The following KSR1 variants were observed in gnomAD, a reference collection of about 807,000 sequenced individuals.
KSR1 encodes kinase suppressor of ras.
In KSR1, 35 loss-of-function variants were observed where a neutral mutation model predicts 92.9. The observed-to-expected ratio is 0.38, with a 90% CI of 0.29 to 0.50. The LOEUF is 0.50. Among genes scored for constraint, KSR1 ranks in the 20% least tolerant of loss-of-function variants. The pLI, the probability that KSR1 is intolerant of heterozygous loss-of-function variation, is 0.94. For missense variants in KSR1, 972 were observed against 1,158.5 expected (o/e 0.84, Z 2.34); for synonymous variants, 467 against 472.6 (o/e 0.99, Z 0.15).
At chr17:27,457,883 T>A (rs1249282925) in intron 1 of KSR1, among the ~76,000 whole-genome samples, 2 of 151,402 alleles carry the variant, frequency 1.3e-5, no homozygotes, top group Admixed American at 1.3e-4. Context: ...TTTTATTAGA[T>A]CCTCAATTTC....
At chr17:27,471,812 T>A (rs2020023601) in intron 1 of KSR1, among the ~76,000 whole-genome samples, 1 of 152,156 alleles carries the variant, frequency 6.6e-6, no homozygotes, top group Non-Finnish European at 1.5e-5. Flanking sequence ...AGTAAACTCA[T>A]AGAAGGTGCT....
chr17:27,597,534 CAGCTAAG>C, intron 10 of KSR1, 98 bp downstream of exon 10: 1 of 1,237,560 alleles, frequency 8.1e-7, no homozygotes, highest in South Asian at 1.5e-5. Context: ...GACATGGCCA[CAGCTAAG>C]AGCTGATGTT....
intron 1 of KSR1, among the ~76,000 whole-genome samples, chr17:27,525,504 T>C (rs969772322): frequency 5.9e-5 from 9 of 152,220 alleles, no homozygotes; most frequent in Admixed American, 3.9e-4. Flanking sequence ...CTAAGAACCA[T>C]GGTAAGGATT....
chr17:27,602,297 C>T (rs899818078), intron 11 of KSR1, among the ~76,000 whole-genome samples: 3 of 152,148 alleles, frequency 2.0e-5, no homozygotes, highest in South Asian at 2.1e-4. Flanking sequence ...CCTGAGAACC[C>T]GCCTCCCGGA....
chr17:27,607,492 AAATG>A (rs139818505), intron 14 of KSR1, among the ~76,000 whole-genome samples: 4,700 of 152,208 alleles, frequency 0.031, 114 homozygotes, highest in Non-Finnish European at 0.049. Context: ...GATCAAGAAA[AAATG>A]AAAACTATAA....
At chr17:27,494,269 G>A (rs2068912810) in intron 1 of KSR1, among the ~76,000 whole-genome samples, 1 of 152,038 alleles carries the variant, frequency 6.6e-6, no homozygotes, top group South Asian at 2.1e-4. Context: ...TTCTATATGT[G>A]GAGTATCTGG....
chr17:27,477,716 CTT>C (rs1001733229), intron 1 of KSR1, among the ~76,000 whole-genome samples: 35 of 144,086 alleles, frequency 2.4e-4, no homozygotes, highest in Admixed American at 4.9e-4. Context: ...CTGTTCTCTT[CTT>C]TTTTTTTTTT....
chr17:27,606,658 A>G (rs1217173291), intron 14 of KSR1, among the ~76,000 whole-genome samples: 2 of 152,126 alleles, frequency 1.3e-5, no homozygotes, highest in Admixed American at 6.5e-5. Context: ...CCTGTGGTGT[A>G]AATACTCTCA....
intron 5 of KSR1, chr17:27,586,014 G>A (rs2151178142): frequency 3.0e-6 from 1 of 329,218 alleles, no homozygotes; most frequent in Non-Finnish European, 5.6e-6. Context: ...CAGCACCCCT[G>A]GGAAGGCGGT....
chr17:27,564,211 G>A (rs1393253278), intron 2 of KSR1, among the ~76,000 whole-genome samples: 1 of 151,828 alleles, frequency 6.6e-6, no homozygotes, highest in Non-Finnish European at 1.5e-5. Flanking sequence ...GGCTGGTCTC[G>A]AACCCCTGGC....
rs768487609 is a variant in KSR1 at position 27,623,530 on chromosome 17, TG to T, written c.*140del. 35 of 678,562 alleles carry T rather than the reference TG, an allele frequency of 5.2e-5. No homozygotes were observed. Among genetic ancestry groups the T allele is most frequent in the Non-Finnish European group, 9.3e-5 (35 of 377,882 alleles). 42.0% of individuals were successfully genotyped at this position (678,562 alleles called of 1,614,324 possible). Reference sequence around the variant, plus strand: ...AGCACACGTCCTAGATTCAGACTGTTGGCCATAAACCCCACTCGGGAGATGG... The same window carrying T: ...AGCACACGTCCTAGATTCAGACTGTTGCCATAAACCCCACTCGGGAGATGG... On this transcript the variant is annotated 3_prime_UTR_variant, in exon 21 of 21. Transcript: ENST00000644974.
chr17:27,470,295 G>A (rs930220821), intron 1 of KSR1, among the ~76,000 whole-genome samples: 8 of 146,844 alleles, frequency 5.4e-5, no homozygotes, highest in Middle Eastern at 7.1e-3. Context: ...AGGCTGGAGT[G>A]CAGTGGTGCG....
At chr17:27,598,365 A>G (rs1467464209) in intron 10 of KSR1, among the ~76,000 whole-genome samples, 3 of 152,182 alleles carry the variant, frequency 2.0e-5, no homozygotes, top group Admixed American at 6.5e-5. Flanking sequence ...GAGGACAGGC[A>G]CAGCTCTCCC....
chr17:27,578,150 G>C (rs2072596889), intron 3 of KSR1: 2 of 176,854 alleles, frequency 1.1e-5, no homozygotes, highest in Non-Finnish European at 2.4e-5. Context: ...CGAGGTCCTT[G>C]GGAATTATTC....
At chr17:27,602,304 C>T (rs932940841) in intron 11 of KSR1, among the ~76,000 whole-genome samples, 4 of 152,158 alleles carry the variant, frequency 2.6e-5, no homozygotes, top group East Asian at 1.9e-4. Flanking sequence ...ACCCGCCTCC[C>T]GGAGGCTCCC....
At position 27,528,909 on chromosome 17, in the gene KSR1, G is replaced by GA. The variant is rs201962458; in HGVS notation, c.232-21650dup. On this transcript the variant is annotated intron_variant, in intron 1 of 20. Coordinates refer to ENST00000644974, the MANE Select transcript of KSR1 (RefSeq NM_001394583.1). ...GACAAGAGAGACCCTGTCTCTACTG[G>GA]AAAAAAAAACCACAAAAATCCCAAA... Among the ~76,000 whole-genome samples the GA allele has an allele frequency of 1.8e-4, 27 of 149,784 alleles. No homozygotes were observed. The South Asian group carries it at 2.1e-3, about 12-fold the overall frequency.
intron 1 of KSR1, among the ~76,000 whole-genome samples, chr17:27,458,155 T>G (rs1386015904): frequency 6.6e-6 from 1 of 152,198 alleles, no homozygotes; most frequent in Non-Finnish European, 1.5e-5. Flanking sequence ...GCTAAAGCTG[T>G]ACTGACCAAG....
At chr17:27,508,408 C>T (rs1258471648) in intron 1 of KSR1, among the ~76,000 whole-genome samples, 1 of 152,140 alleles carries the variant, frequency 6.6e-6, no homozygotes, top group East Asian at 1.9e-4. Context: ...GCTGTGATGT[C>T]CATTTTGCAG....
intron 1 of KSR1, among the ~76,000 whole-genome samples, chr17:27,470,230 T>C (rs2019917904): frequency 1.3e-5 from 2 of 148,452 alleles, no homozygotes; most frequent in Admixed American, 1.3e-4. Context: ...TAAGTTTTGT[T>C]TTTGTTTGTG....
Sources: allele counts gnomAD v4.1 joint callset (sites outside exome capture counted in the v4.1 genomes callset), GRCh38; gene constraint gnomAD v4.1.1; transcripts MANE v1.5; gene names NCBI Gene and HGNC (gene_info 2026-07-23, HGNC 2026-07-21).